The following PLEKHM2 variants were observed in gnomAD, a reference collection of about 807,000 sequenced individuals.
The protein encoded by PLEKHM2 is pleckstrin homology and RUN domain containing M2, also known as pleckstrin homology domain-containing family M member 2.
In PLEKHM2, 77 loss-of-function variants were observed where a neutral mutation model predicts 116.3. The observed-to-expected ratio is 0.66, with a 90% CI of 0.55 to 0.80. The LOEUF (loss-of-function observed/expected upper bound fraction) is 0.80, where lower values mean the gene tolerates loss of function less well. Among genes scored for constraint, PLEKHM2 ranks in the 30% least tolerant of loss-of-function variants. The probability of loss-of-function intolerance (pLI) is 0.00; values close to 1 mark genes in which losing one functional copy is unlikely to be tolerated. For missense variants in PLEKHM2, 1,183 were observed against 1,354.9 expected (o/e 0.87, Z 1.99); for synonymous variants, 562 against 571.0 (o/e 0.98, Z 0.22).
chr1:15,729,283 G>C lies in PLEKHM2; in HGVS notation c.2075+93G>C. On this transcript the variant is annotated intron_variant, in intron 13 of 19. Coordinates refer to ENST00000375799, the MANE Select transcript of PLEKHM2 (RefSeq NM_015164.4). This position sits in a 1 kb window ranked among gnomAD's most constrained non-coding sequence, Gnocchi z 4.7. ...TGGGGGTCAGGGGTGGAGGTGGAAAGTGGGAGATCCAGGAGGGGAAACCAG... is the reference window on the plus strand; with the variant it reads ...TGGGGGTCAGGGGTGGAGGTGGAAACTGGGAGATCCAGGAGGGGAAACCAG... 1 of 1,047,664 alleles carries C rather than the reference G, an allele frequency of 9.5e-7. No individual in the cohort carries two copies. The highest frequency in any genetic ancestry group is 1.5e-6 in the Non-Finnish European group (1 of 687,554). The allele number at this position is 1,047,664 out of a possible 1,614,324, so 64.9% of individuals were successfully genotyped here. A position where few individuals can be genotyped will look rare whatever the true frequency, so the allele number is the denominator to read the frequency against.
chr1:15,733,757 C>A, intron 19 of PLEKHM2, 40 bp from the exon 20 acceptor site: 1 of 1,600,666 alleles, frequency 6.2e-7, no homozygotes, highest in Non-Finnish European at 8.5e-7. Context: ...TCCTGTGGCC[C>A]TCAGTGGCCC....
chr1:15,705,629 C>T (rs550607116), intron 1 of PLEKHM2, among the ~76,000 whole-genome samples: 10 of 152,280 alleles, frequency 6.6e-5, no homozygotes, highest in East Asian at 5.8e-4. Flanking sequence ...TTTAATCCAT[C>T]GCTAAATCTC....
chr1:15,683,833 T>TC, upstream of PLEKHM2, among the ~76,000 whole-genome samples: 1 of 147,604 alleles, frequency 6.8e-6, no homozygotes, highest in South Asian at 2.2e-4. Context: ...AGGGCCGGTG[T>TC]CCCGGGCAGG....
At position 15,727,759 on chromosome 1, in the gene PLEKHM2, A is replaced by T; in HGVS notation, c.1687A>T (p.Ser563Cys). 6.2e-7 allele frequency: 1 copy of T among 1,604,938 alleles called. No homozygotes were observed. The stretch of plus-strand genomic sequence containing the variant: ...GCGAGACCAGCCCAGCCCGTGTCTG[A>T]GTAGCGCTGAGGATTCTGGGGTGGA... The part of the protein sequence containing the change: ...LKRDQPSPCL[S>C]SAEDSGVDEG... The change falls in exon 9 of 20, where the codon AGT becomes TGT. Residue 563 changes from serine (S) to cysteine (C), a missense_variant. This residue lies in a region of PLEKHM2 where 594 missense variants were observed against 720.1 expected (regional missense o/e 0.82). Transcript: ENST00000375799. This position sits in a 1 kb window ranked among gnomAD's most constrained non-coding sequence, Gnocchi z 7.5.
intron 1 of PLEKHM2, among the ~76,000 whole-genome samples, chr1:15,706,468 C>T (rs1226021866): frequency 2.1e-5 from 3 of 144,750 alleles, no homozygotes; most frequent in South Asian, 2.1e-4. Flanking sequence ...TGCAGTGGCA[C>T]GATCTCGGCT....
chr1:15,688,669 G>A (rs1159349155), intron 1 of PLEKHM2, among the ~76,000 whole-genome samples: 1 of 147,410 alleles, frequency 6.8e-6, no homozygotes, highest in African/African-American at 2.6e-5. Context: ...AAAAAAAAAG[G>A]AAATGATAAC....
At chr1:15,708,831 A>C (rs1053314245) in intron 1 of PLEKHM2, among the ~76,000 whole-genome samples, 2 of 152,170 alleles carry the variant, frequency 1.3e-5, no homozygotes, top group African/African-American at 4.8e-5. Flanking sequence ...TCTGTGACCT[A>C]CTTACGGGGC....
chr1:15,681,705 T>C, upstream of PLEKHM2: 3 of 419,024 alleles, frequency 7.2e-6, no homozygotes, highest in South Asian at 5.0e-5. Context: ...CTTTGGTAAG[T>C]AGGAGGCTAT....
intron 1 of PLEKHM2, among the ~76,000 whole-genome samples, chr1:15,687,796 G>C (rs1470611783): frequency 1.3e-5 from 2 of 152,176 alleles, no homozygotes; most frequent in Non-Finnish European, 2.9e-5. Flanking sequence ...TTGAATGCCA[G>C]TCTCACCTAA....
chr1:15,684,632 C>T lies in PLEKHM2; in HGVS notation c.60+14C>T, dbSNP rs534933733. 7.1e-6 allele frequency: 9 copies of T among 1,267,828 alleles called. No homozygotes were observed. The South Asian group carries it at 2.4e-4, about 33-fold the overall frequency. The allele number at this position is 1,267,828 out of a possible 1,614,324, so 78.5% of individuals were successfully genotyped here. On this transcript the variant is annotated intron_variant, in intron 1 of 19. Coordinates refer to ENST00000375799, the MANE Select transcript of PLEKHM2 (RefSeq NM_015164.4). ...TCGGTGAAGAAGGTGAGCGCGGCCTCCCTCCCGGCCGGGGCCCCTTCCTCG... is the reference window on the plus strand; with the variant it reads ...TCGGTGAAGAAGGTGAGCGCGGCCTTCCTCCCGGCCGGGGCCCCTTCCTCG...
chr1:15,720,320 G>C (rs1410619997), intron 6 of PLEKHM2: 17 of 984,914 alleles, frequency 1.7e-5, no homozygotes, highest in Non-Finnish European at 3.6e-6. Flanking sequence ...TGCAGAAGGA[G>C]GTTAAGCAAC....
At chr1:15,720,259 G>A (rs1571055838) in intron 6 of PLEKHM2, 11 of 825,328 alleles carry the variant, frequency 1.3e-5, no homozygotes, top group South Asian at 1.1e-4. Flanking sequence ...AAACCTTGTC[G>A]CAGGGTTGAG....
In PLEKHM2 at chr1:15,732,045, AG is replaced by A; in HGVS notation, c.2625+1del. On this transcript the variant is annotated frameshift_variant and splice_region_variant, in exon 17 of 20. Coordinates refer to ENST00000375799, the MANE Select transcript of PLEKHM2 (RefSeq NM_015164.4). LOFTEE classifies it high-confidence loss of function. ...AGCATCTCTGCCAGGCTGTGTCCAAAGGGGTGAGCTTCGCCTGCCCCTACCG... is the reference window on the plus strand; with the variant it reads ...AGCATCTCTGCCAGGCTGTGTCCAAAGGGTGAGCTTCGCCTGCCCCTACCG... ...MQHLCQAVSK[G>X]VIPQGVAPSP... 1 of 1,608,826 alleles carries A rather than the reference AG, an allele frequency of 6.2e-7. No homozygotes were observed. Among genetic ancestry groups the A allele is most frequent in the Non-Finnish European group, 8.5e-7 (1 of 1,178,242 alleles).
In PLEKHM2 at chr1:15,729,993, G is replaced by A. The variant is rs987056882; in HGVS notation, c.2208+64G>A. ...ATGGCAGAGCAGCAGCCGCCTTGGCGTGAGCGTTAAGGGATGCACGTGGAT... is the reference window on the plus strand; with the variant it reads ...ATGGCAGAGCAGCAGCCGCCTTGGCATGAGCGTTAAGGGATGCACGTGGAT... On this transcript the variant is annotated intron_variant, in intron 14 of 19. Transcript: ENST00000375799. This position sits in a 1 kb window ranked among gnomAD's most constrained non-coding sequence, Gnocchi z 4.7. 2.4e-5 allele frequency: 33 copies of A among 1,397,084 alleles called. No homozygotes were observed. The highest frequency in any genetic ancestry group is 2.2e-4 in the African/African-American group (15 of 68,162). The allele number at this position is 1,397,084 out of a possible 1,614,324, so 86.5% of individuals were successfully genotyped here. A position where few individuals can be genotyped will look rare whatever the true frequency, so the allele number is the denominator to read the frequency against.
intron 8 of PLEKHM2, 21 bp from the exon 9 acceptor site, chr1:15,726,993 T>C: frequency 2.8e-6 from 4 of 1,435,958 alleles, no homozygotes; most frequent in Non-Finnish European, 3.7e-6. Flanking sequence ...GTTAACACTC[T>C]CCCCGTCGTT....
In PLEKHM2 at chr1:15,719,774, A is replaced by G. The variant is rs758047177; in HGVS notation, c.506A>G (p.Tyr169Cys). The change falls in exon 6 of 20, where the codon TAC becomes TGC. Residue 169 changes from tyrosine to cysteine, a missense_variant. By Grantham distance (194) the Tyr-to-Cys change is radical (BLOSUM62 -2). Transcript: ENST00000375799. The surrounding 1 kb of genome is among the most constrained non-coding windows in gnomAD (Gnocchi z 4.1). ...YLDLAPYMPD[Y>C]YKPQYLLDFE... ...GACCTGGCCCCCTACATGCCCGACT[A>G]CTACAAACCTCAGTACCTGCTGGAC... The G allele has an allele frequency of 4.3e-6, 7 of 1,613,478 alleles. No individual in the cohort carries two copies. Among genetic ancestry groups the G allele is most frequent in the Middle Eastern group, 1.6e-4 (1 of 6,062 alleles).
intron 1 of PLEKHM2, among the ~76,000 whole-genome samples, chr1:15,697,205 G>T (rs1641015881): frequency 6.6e-6 from 1 of 152,242 alleles, no homozygotes; most frequent in Non-Finnish European, 1.5e-5. Context: ...GCAGAGCTCA[G>T]AAAACCGAGC....
At position 15,725,193 on chromosome 1, in the gene PLEKHM2, C is replaced by T. The variant is rs756513148; in HGVS notation, c.713-124C>T. On this transcript the variant is annotated intron_variant, in intron 7 of 19. Transcript: ENST00000375799. Reference sequence around the variant, plus strand: ...TGGCTTCTACTCGAAATGGGGCCACCCCTGTCAGGTTTCCCTGGGAGGAAC... The same window carrying T: ...TGGCTTCTACTCGAAATGGGGCCACTCCTGTCAGGTTTCCCTGGGAGGAAC... 2.5e-5 allele frequency: 17 copies of T among 674,776 alleles called. No homozygotes were observed. The Middle Eastern group carries it at 1.1e-3, about 45-fold the overall frequency. 41.8% of individuals were successfully genotyped at this position (674,776 alleles called of 1,614,324 possible). A position where few individuals can be genotyped will look rare whatever the true frequency, so the allele number is the denominator to read the frequency against.
At chr1:15,730,984 G>T (rs181889661) in intron 15 of PLEKHM2, among the ~76,000 whole-genome samples, 2 of 152,200 alleles carry the variant, frequency 1.3e-5, no homozygotes, top group Non-Finnish European at 2.9e-5. Flanking sequence ...ACCTTGAGCT[G>T]CGCCCCAGGT....
Sources: allele counts gnomAD v4.1 joint callset (sites outside exome capture counted in the v4.1 genomes callset), GRCh38; gene constraint gnomAD v4.1.1; regional missense constraint gnomAD v4.1.1; non-coding constraint Gnocchi (gnomAD v3.1); transcripts MANE v1.5; gene names NCBI Gene and HGNC (gene_info 2026-07-23, HGNC 2026-07-21).